The following NDST3 variants were observed in gnomAD, a reference collection of about 807,000 sequenced individuals.
NDST3 encodes N-deacetylase and N-sulfotransferase 3.
In NDST3, 58 loss-of-function variants were observed where a neutral mutation model predicts 96.1. The observed-to-expected ratio is 0.60, with a 90% CI of 0.49 to 0.75. NDST3 has a LOEUF of 0.75. Among genes scored for constraint, NDST3 ranks in the 30% least tolerant of loss-of-function variants. NDST3 has a pLI of 0.00. For synonymous variants in NDST3, 333 were observed against 359.7 expected, an observed-to-expected ratio of 0.93 and a Z score of 0.84; for missense variants, 788 against 1,034.2, an observed-to-expected ratio of 0.76 and a Z score of 3.27.
chr4:118,154,760 C>A (rs1192099318), intron 6 of NDST3, among the ~76,000 whole-genome samples: 2 of 152,176 alleles, frequency 1.3e-5, no homozygotes, highest in African/African-American at 4.8e-5. Flanking sequence ...GAACTCTGTT[C>A]TTCCTGACTC....
chr4:118,132,638 T>A (rs1004662423), intron 4 of NDST3, among the ~76,000 whole-genome samples: 2 of 152,120 alleles, frequency 1.3e-5, no homozygotes, highest in African/African-American at 4.8e-5. Context: ...CAGGAGTCTT[T>A]CACCATAGTC....
chr4:118,230,875 CAG>C (rs1197473554), intron 8 of NDST3, among the ~76,000 whole-genome samples: 2 of 151,968 alleles, frequency 1.3e-5, no homozygotes, highest in Non-Finnish European at 2.9e-5. Context: ...TTGCTGTTGA[CAG>C]AGTTATTTTA....
At chr4:118,044,327 T>A (rs1724631940) in intron 1 of NDST3, among the ~76,000 whole-genome samples, 1 of 152,262 alleles carries the variant, frequency 6.6e-6, no homozygotes, top group African/African-American at 2.4e-5. Context: ...GAAATAACTA[T>A]AATTACAATG....
chr4:118,205,544 A>C (rs1166861433), intron 6 of NDST3, among the ~76,000 whole-genome samples: 1 of 144,500 alleles, frequency 6.9e-6, no homozygotes, highest in Non-Finnish European at 1.5e-5. Context: ...AGTGATGCTA[A>C]TGTTCTTGTT....
intron 8 of NDST3, among the ~76,000 whole-genome samples, chr4:118,227,191 C>G (rs3817274): frequency 0.11 from 17,269 of 151,238 alleles, 1,313 homozygotes; most frequent in South Asian, 0.2. Flanking sequence ...AGATGTCACA[C>G]TGTTCAAATA....
intron 6 of NDST3, among the ~76,000 whole-genome samples, chr4:118,179,862 T>C (rs1736495884): frequency 1.3e-5 from 2 of 152,256 alleles, no homozygotes; most frequent in South Asian, 4.1e-4. Flanking sequence ...TATTATATAA[T>C]AATCAAAGTA....
In NDST3 at chr4:118,257,477, A is replaced by C. The variant is rs1742186325; in HGVS notation, c.*1765A>C. 1 of 152,188 alleles carries C rather than the reference A, an allele frequency of 6.6e-6. No individual in the cohort carries two copies. Among genetic ancestry groups the C allele is most frequent in the South Asian group, 2.1e-4 (1 of 4,836 alleles). 9.4% of individuals were successfully genotyped at this position (152,188 alleles called of 1,614,324 possible). A position where few individuals can be genotyped will look rare whatever the true frequency, so the allele number is the denominator to read the frequency against. ...TGTACTGTACATATACATAAAATTT[A>C]AGTAGTAAATTAATTCCCTGCTATG... On this transcript the variant is annotated 3_prime_UTR_variant, in exon 14 of 14. Transcript: ENST00000296499.
chr4:118,146,018 G>C (rs1444967358), intron 6 of NDST3, among the ~76,000 whole-genome samples: 2 of 152,226 alleles, frequency 1.3e-5, no homozygotes, highest in Non-Finnish European at 2.9e-5. Flanking sequence ...TTGGAGAACA[G>C]AGTAAGGAGT....
chr4:118,080,717 C>T (rs1727941700), intron 2 of NDST3, among the ~76,000 whole-genome samples: 1 of 152,034 alleles, frequency 6.6e-6, no homozygotes, highest in South Asian at 2.1e-4. Context: ...GAGTAATACA[C>T]ATAGGCTCCC....
At chr4:118,185,664 G>T (rs1019872807) in intron 6 of NDST3, among the ~76,000 whole-genome samples, 1 of 152,126 alleles carries the variant, frequency 6.6e-6, no homozygotes, top group Non-Finnish European at 1.5e-5. Flanking sequence ...AAAAAGGAAA[G>T]TGATGTACAG....
intron 6 of NDST3, among the ~76,000 whole-genome samples, chr4:118,205,112 T>C (rs1738348922): frequency 1.4e-5 from 2 of 144,498 alleles, no homozygotes; most frequent in Non-Finnish European, 3.1e-5. Flanking sequence ...ATTGCTTCTA[T>C]TTTCTATGTG....
chr4:118,224,762 G>GA (rs1166712419), intron 7 of NDST3, 89 bp downstream of exon 7: 65 of 1,133,712 alleles, frequency 5.7e-5, no homozygotes, highest in Admixed American at 1.5e-4. Context: ...GAAGGCACCT[G>GA]AAAAAACCTG....
At chr4:118,188,623 T>G (rs1348703377) in intron 6 of NDST3, among the ~76,000 whole-genome samples, 1 of 152,184 alleles carries the variant, frequency 6.6e-6, no homozygotes, top group East Asian at 1.9e-4. Flanking sequence ...GAGAAAGTAT[T>G]TTCTTGATAT....
chr4:118,122,324 G>A (rs977703499), intron 4 of NDST3, among the ~76,000 whole-genome samples: 1 of 152,104 alleles, frequency 6.6e-6, no homozygotes, highest in African/African-American at 2.4e-5. Context: ...TACTTAAGAT[G>A]GAGGGGGCAC....
intron 6 of NDST3, among the ~76,000 whole-genome samples, chr4:118,190,157 C>G (rs1249071502): frequency 1.3e-5 from 2 of 151,604 alleles, no homozygotes; most frequent in Non-Finnish European, 2.9e-5. Context: ...TATATAAACT[C>G]TAATTTAACT....
chr4:118,074,065 T>C (rs77362033), intron 2 of NDST3, among the ~76,000 whole-genome samples: 382 of 152,316 alleles, frequency 2.5e-3, no homozygotes, highest in Admixed American at 5.2e-3. Context: ...TTGCTTAATT[T>C]TCATGTAATT....
chr4:118,233,160 C>T (rs561130725), intron 9 of NDST3, 25 bp downstream of exon 9: 1 of 1,594,948 alleles, frequency 6.3e-7, no homozygotes, highest in South Asian at 1.1e-5. Context: ...TAGTATAAAT[C>T]TAAAAGTATA....
chr4:118,171,807 A>G (rs1735971322), intron 6 of NDST3, among the ~76,000 whole-genome samples: 3 of 152,142 alleles, frequency 2.0e-5, no homozygotes, highest in Admixed American at 2.0e-4. Flanking sequence ...TGGGTTTGCC[A>G]CATCTTTTCT....
intron 6 of NDST3, among the ~76,000 whole-genome samples, chr4:118,187,661 G>C (rs1231474433): frequency 6.6e-6 from 1 of 152,152 alleles, no homozygotes; most frequent in Non-Finnish European, 1.5e-5. Flanking sequence ...TGTTGTTAGA[G>C]ACATAAGCAA....
Sources: gnomAD v4.1 joint callset for allele counts (sites outside exome capture counted in the v4.1 genomes callset) on GRCh38, gnomAD v4.1.1 for gene constraint, MANE v1.5 for transcripts, NCBI Gene and HGNC (gene_info 2026-07-23, HGNC 2026-07-21) for gene names.